The following ZNF831 variants were observed in gnomAD, a reference collection of about 807,000 sequenced individuals.
ZNF831 encodes the protein chromosome 20 open reading frame 174.
Under a neutral mutation model 95.8 loss-of-function variants are expected in ZNF831, and 59 were observed. The ratio of observed to expected loss-of-function variants is 0.62; its 90% confidence interval spans 0.50 to 0.77. The LOEUF (loss-of-function observed/expected upper bound fraction) is 0.77. ZNF831 is among the 30% of genes least tolerant of loss of function. The pLI, the probability that ZNF831 is intolerant of heterozygous loss-of-function variation, is 0.00. For synonymous variants in ZNF831, 961 were observed against 925.5 expected (o/e 1.04, Z -0.70); for missense variants, 2,205 against 2,164.0 (o/e 1.02, Z -0.38).
intron 4 of ZNF831, among the ~76,000 whole-genome samples, chr20:59,222,490 CTCTT>C (rs1986150404): frequency 6.6e-6 from 1 of 151,774 alleles, no homozygotes; most frequent in Admixed American, 6.6e-5. Flanking sequence ...TTTTCTCTCT[CTCTT>C]TTTTTTTTTT....
chr20:59,148,464 G>A (rs935371023), intron 2 of ZNF831, among the ~76,000 whole-genome samples: 21 of 116,990 alleles, frequency 1.8e-4, no homozygotes, highest in Non-Finnish European at 3.8e-4. Context: ...GGCAGATCAC[G>A]AGGTCAGGAG....
upstream of ZNF831, among the ~76,000 whole-genome samples, chr20:59,161,589 G>T (rs1479049705): frequency 6.6e-6 from 1 of 152,160 alleles, no homozygotes; most frequent in East Asian, 1.9e-4. Flanking sequence ...ATGGATACAT[G>T]ATTTTATTAT....
chr20:59,162,341 A>G (rs978572885), upstream of ZNF831, among the ~76,000 whole-genome samples: 2 of 152,196 alleles, frequency 1.3e-5, no homozygotes, highest in African/African-American at 4.8e-5. Context: ...GCTGACATTC[A>G]GAAGAGTATT....
chr20:59,198,043 C>T (rs887592785), intron 3 of ZNF831, among the ~76,000 whole-genome samples: 7 of 152,086 alleles, frequency 4.6e-5, no homozygotes, highest in South Asian at 2.1e-4. Flanking sequence ...CCCACTTTCC[C>T]AAGACTTCAG....
intron 1 of ZNF831, among the ~76,000 whole-genome samples, chr20:59,142,615 T>A (rs1388017893): frequency 6.6e-6 from 1 of 152,224 alleles, no homozygotes; most frequent in Admixed American, 6.5e-5. Context: ...GCGGAATAGG[T>A]TGTTAACACC....
chr20:59,123,786 C>G (rs2146429821), intron 1 of ZNF831, among the ~76,000 whole-genome samples: 1 of 152,316 alleles, frequency 6.6e-6, no homozygotes, highest in East Asian at 1.9e-4. Context: ...AGCCACACAG[C>G]TGCTAAGGGA....
At position 59,194,092 on chromosome 20, in the gene ZNF831, G is replaced by T. The variant is rs768044968; in HGVS notation, c.3073G>T (p.Asp1025Tyr). The change falls in exon 2 of 6, where the codon GAC (aspartate) becomes TAC (tyrosine). Residue 1025 changes from aspartate (D) to tyrosine (Y), a missense_variant. By Grantham distance (160) the Asp-to-Tyr change is radical. Transcript: ENST00000371030. ...DGRKGAQLGG[D>Y]KGDRMATSRP... ...GAGAAAAGGGGCACAGTTGGGGGGG[G>T]ACAAGGGGGACAGGATGGCCACTAG... 2 of 1,545,822 alleles carry T rather than the reference G, an allele frequency of 1.3e-6. No individual in the cohort carries two copies. Among genetic ancestry groups the T allele is most frequent in the African/African-American group, 1.4e-5 (1 of 73,190 alleles).
chr20:59,196,265 G>A (rs1984098718), intron 3 of ZNF831, among the ~76,000 whole-genome samples: 2 of 152,178 alleles, frequency 1.3e-5, no homozygotes, highest in Admixed American at 1.3e-4. Flanking sequence ...ACTTAAGTCT[G>A]GAAGAGAGAG....
intron 1 of ZNF831, among the ~76,000 whole-genome samples, chr20:59,185,142 A>T (rs2146527589): frequency 6.6e-6 from 1 of 152,278 alleles, no homozygotes; most frequent in South Asian, 2.1e-4. Flanking sequence ...CTTCCCCATC[A>T]GTCCAATGGG....
At chr20:59,195,784 T>G in intron 2 of ZNF831, 85 bp from the exon 3 acceptor site, 1 of 1,527,678 alleles carries the variant, frequency 6.5e-7, no homozygotes, top group Non-Finnish European at 8.8e-7. Flanking sequence ...GACAGGCATC[T>G]TGTCTGCAGA....
intron 4 of ZNF831, among the ~76,000 whole-genome samples, chr20:59,235,679 T>TA (rs1459547431): frequency 9.2e-5 from 14 of 151,800 alleles, no homozygotes; most frequent in Non-Finnish European, 2.1e-4. Context: ...GTGCTACCTA[T>TA]AAAAAAAAGA....
At chr20:59,218,175 T>C (rs913603815) in intron 4 of ZNF831, among the ~76,000 whole-genome samples, 2 of 152,166 alleles carry the variant, frequency 1.3e-5, no homozygotes, top group African/African-American at 4.8e-5. Flanking sequence ...GAGAGATGAA[T>C]TTCTCAGCCC....
chr20:59,135,837 C>G (rs949805622), intron 1 of ZNF831, among the ~76,000 whole-genome samples: 3 of 152,100 alleles, frequency 2.0e-5, no homozygotes, highest in African/African-American at 7.2e-5. Flanking sequence ...TTTCAGTGGC[C>G]ACAGTTACTT....
rs746195972 is a variant in ZNF831 at position 59,192,342 on chromosome 20, C to T, written c.1323C>T (p.Asp441=). The change falls in exon 2 of 6, where the codon GAC becomes GAT. Residue 441 remains aspartate, a synonymous_variant. Transcript: ENST00000371030. This position sits in a 1 kb window ranked among gnomAD's most constrained non-coding sequence, Gnocchi z 5.2. The part of the protein sequence containing the change: ...KTGLSKQGSI[D]LPTPYTYKDS... ...GGCTGTCCAAACAGGGCAGCATCGA[C>T]CTGCCCACGCCCTACACCTACAAGG... 8 of 1,607,440 alleles carry T rather than the reference C, an allele frequency of 5.0e-6. No individual in the cohort carries two copies. The highest frequency in any genetic ancestry group is 6.8e-6 in the Non-Finnish European group (8 of 1,177,342).
chr20:59,176,808 ATAAT>A (rs1982201706), intron 1 of ZNF831, among the ~76,000 whole-genome samples: 1 of 152,226 alleles, frequency 6.6e-6, no homozygotes, highest in African/African-American at 2.4e-5. Flanking sequence ...ATTTTCCTGG[ATAAT>A]TATTGTAATT....
intron 1 of ZNF831, among the ~76,000 whole-genome samples, chr20:59,124,110 G>A (rs2146430068): frequency 6.6e-6 from 1 of 152,280 alleles, no homozygotes; most frequent in African/African-American, 2.4e-5. Flanking sequence ...CTGTGTTGGT[G>A]GCAATGTCAG....
rs1391400562 is a variant in ZNF831 at position 59,254,335 on chromosome 20, C to G, written c.4626C>G (p.Leu1542=). The stretch of plus-strand genomic sequence containing the variant: ...CAGAAGAGGGCAGAGCACAGACCCT[C>G]TTGCCAGGGAGACCTTCATCTGGAC... ...KVTEEGRAQT[L]LPGRPSSGQR... is the part of the protein sequence containing the mutation. The change falls in exon 6 of 6, where the codon CTC becomes CTG. Residue 1542 remains leucine (L), a synonymous_variant. Transcript: ENST00000371030. The surrounding 1 kb of genome is among the most constrained non-coding windows in gnomAD (Gnocchi z 4.5). 1 of 1,614,128 alleles carries G rather than the reference C, an allele frequency of 6.2e-7. No homozygotes were observed. The highest frequency in any genetic ancestry group is 8.5e-7 in the Non-Finnish European group (1 of 1,180,026).
rs181750725 is a variant in ZNF831, at chr20:59,202,938, T to G, written c.3876-3967T>G. 2.3e-4 allele frequency among the ~76,000 whole-genome samples: 35 copies of G among 152,346 alleles called. No individual in the cohort carries two copies. In the East Asian group the frequency reaches 2.5e-3, roughly 11 times the overall value. On this transcript the variant is annotated intron_variant, in intron 3 of 5. Coordinates refer to ENST00000371030, the MANE Select transcript of ZNF831 (RefSeq NM_178457.3). ...AAAATGTTTACATTTTACGCTGCAT[T>G]TTTAATTGTTTTCAGTATAAGGATA...
At chr20:59,207,459 A>G (rs137870637) in intron 4 of ZNF831, among the ~76,000 whole-genome samples, 1 of 152,272 alleles carries the variant, frequency 6.6e-6, no homozygotes, top group Non-Finnish European at 1.5e-5. Context: ...GGGTCTGTGG[A>G]TGGGCTTAAG....
Sources: gnomAD v4.1 joint callset for allele counts (sites outside exome capture counted in the v4.1 genomes callset) on GRCh38, gnomAD v4.1.1 for gene constraint, Gnocchi (gnomAD v3.1) non-coding constraint, MANE v1.5 for transcripts, NCBI Gene and HGNC (gene_info 2026-07-23, HGNC 2026-07-21) for gene names.